The following UBR3 variants were observed in gnomAD, a reference collection of about 807,000 sequenced individuals.
UBR3 encodes the protein E3 ubiquitin-protein ligase UBR3.
A neutral mutation model predicts 243.2 loss-of-function variants in UBR3; 85 were observed. The ratio of observed to expected loss-of-function variants is 0.35; its 90% CI spans 0.29 to 0.42. The LOEUF (loss-of-function observed/expected upper bound fraction) is 0.42, where lower values mean the gene tolerates loss of function less well. UBR3 is among the 10% of genes least tolerant of loss of function. The pLI, the probability that UBR3 is intolerant of heterozygous loss-of-function variation, is 1.00. For missense variants in UBR3, 1,686 were observed against 2,300.8 expected (o/e 0.73, Z 5.47); for synonymous variants, 748 against 799.8 (o/e 0.94, Z 1.09).
chr2:169,983,252 C>CTTTTTTTTTTTTTTTTTTTTTTTTTTTTT (rs72194627), intron 24 of UBR3, among the ~76,000 whole-genome samples: 1 of 72,000 alleles, frequency 1.4e-5, no homozygotes, highest in African/African-American at 5.9e-5. Context: ...ATTCTCTCTC[C>CTTTTTTTTTTTTTTTTTTTTTTTTTTTTT]TTTTTTTTTT....
At chr2:169,852,890 A>C (rs2082713031) in intron 1 of UBR3, among the ~76,000 whole-genome samples, 2 of 148,256 alleles carry the variant, frequency 1.3e-5, no homozygotes, top group Admixed American at 6.8e-5. Context: ...AAAACCAAAC[A>C]AATTGAGTCC....
chr2:169,843,756 T>A (rs931607571), intron 1 of UBR3, among the ~76,000 whole-genome samples: 1 of 152,242 alleles, frequency 6.6e-6, no homozygotes, highest in Admixed American at 6.5e-5. Flanking sequence ...AGTTTTCTTC[T>A]TTTGCAATAT....
chr2:169,987,398 AAAAAAAAAAAC>A (rs1446149021), intron 25 of UBR3, among the ~76,000 whole-genome samples: 49 of 150,544 alleles, frequency 3.3e-4, no homozygotes, highest in Admixed American at 6.6e-4. Context: ...GTCTCAAAAA[AAAAAAAAAAAC>A]AAAAAAAAAA....
At chr2:169,879,433 T>A (rs2083739396) in intron 5 of UBR3, among the ~76,000 whole-genome samples, 1 of 152,160 alleles carries the variant, frequency 6.6e-6, no homozygotes, top group African/African-American at 2.4e-5. Flanking sequence ...TTTCACACAA[T>A]GTTACATTTT....
chr2:169,836,284 C>T (rs559799742), intron 1 of UBR3, among the ~76,000 whole-genome samples: 1 of 150,938 alleles, frequency 6.6e-6, no homozygotes, highest in South Asian at 2.1e-4. Context: ...GGGGTTTCAC[C>T]ATATTGGCCA....
chr2:170,027,831 G>A (rs968088765), intron 30 of UBR3, among the ~76,000 whole-genome samples: 3 of 151,804 alleles, frequency 2.0e-5, no homozygotes, highest in Non-Finnish European at 3.0e-5. Flanking sequence ...CTTTAGTCAT[G>A]TTTTTCCTCT....
intron 5 of UBR3, among the ~76,000 whole-genome samples, chr2:169,888,844 G>A (rs1301707286): frequency 1.3e-5 from 2 of 151,932 alleles, no homozygotes; most frequent in Non-Finnish European, 2.9e-5. Context: ...AGAGCTCCAG[G>A]GTTGTTTTTC....
At chr2:169,907,678 A>G (rs1364745290) in intron 10 of UBR3, among the ~76,000 whole-genome samples, 1 of 152,098 alleles carries the variant, frequency 6.6e-6, no homozygotes, top group Non-Finnish European at 1.5e-5. Flanking sequence ...TCATCAATCT[A>G]CAGGATAACA....
chr2:169,900,412 A>T (rs1454446208), intron 8 of UBR3, among the ~76,000 whole-genome samples: 1 of 152,108 alleles, frequency 6.6e-6, no homozygotes, highest in African/African-American at 2.4e-5. Context: ...AGATGGATAG[A>T]TTGCAAAAAT....
intron 32 of UBR3, among the ~76,000 whole-genome samples, 168 bp downstream of exon 32, chr2:170,041,153 G>A (rs1208918564): frequency 2.0e-5 from 3 of 152,108 alleles, no homozygotes; most frequent in Admixed American, 2.0e-4. Flanking sequence ...GACCAGCCTG[G>A]GCTATTAATA....
At chr2:170,009,028 A>T (rs2090006156) in intron 29 of UBR3, 88 bp downstream of exon 29, 1 of 921,408 alleles carries the variant, frequency 1.1e-6, no homozygotes, top group Non-Finnish European at 1.5e-6. Context: ...ATTTATTTAA[A>T]GGATGCATAT....
intron 36 of UBR3, among the ~76,000 whole-genome samples, chr2:170,077,060 C>G (rs1443008827): frequency 1.3e-5 from 2 of 152,170 alleles, no homozygotes; most frequent in African/African-American, 4.8e-5. Flanking sequence ...AGCAGTGAAG[C>G]AGAAATTTAA....
At chr2:169,922,263 G>A (rs1325808334) in intron 11 of UBR3, among the ~76,000 whole-genome samples, 2 of 150,114 alleles carry the variant, frequency 1.3e-5, no homozygotes, top group Admixed American at 6.7e-5. Context: ...TCCACCCTGG[G>A]CCACAGAGTG....
At chr2:169,893,659 C>T (rs1048580668) in intron 6 of UBR3, among the ~76,000 whole-genome samples, 8 of 152,128 alleles carry the variant, frequency 5.3e-5, no homozygotes, top group African/African-American at 1.4e-4. Flanking sequence ...CAGGCTCAAG[C>T]GATCCAATCC....
chr2:169,927,107 G>A lies in UBR3; in HGVS notation c.2338+136G>A, dbSNP rs2085938445. ...AAACAATGTTTCAAACTCTTGATAT[G>A]TTGTACTGTAGGTATACCTTTTAGA... is the stretch of plus-strand genomic sequence containing the variant. On this transcript the variant is annotated intron_variant, in intron 16 of 38. Coordinates refer to ENST00000272793, the MANE Select transcript of UBR3 (RefSeq NM_172070.4). The A allele has an allele frequency of 2.6e-6, 3 of 1,175,902 alleles. No individual in the cohort carries two copies. In the African/African-American group the frequency reaches 4.6e-5, roughly 18 times the overall value. The allele number at this position is 1,175,902 out of a possible 1,614,324, so 72.8% of individuals were successfully genotyped here.
At chr2:169,869,412 T>C (rs149187678) in intron 1 of UBR3, among the ~76,000 whole-genome samples, 14,530 of 151,642 alleles carry the variant, frequency 0.096, 1,045 homozygotes, top group Admixed American at 0.18. Flanking sequence ...TTAGTAGAGA[T>C]GGTGCTTCAC....
chr2:170,017,795 G>C (rs1406625588), intron 30 of UBR3, among the ~76,000 whole-genome samples: 1 of 152,070 alleles, frequency 6.6e-6, no homozygotes, highest in Non-Finnish European at 1.5e-5. Flanking sequence ...ATAGTAAAAA[G>C]TTACTCAAAT....
intron 5 of UBR3, among the ~76,000 whole-genome samples, chr2:169,879,438 C>T (rs1187245847): frequency 1.3e-5 from 2 of 151,946 alleles, no homozygotes; most frequent in Admixed American, 6.6e-5. Flanking sequence ...CACAATGTTA[C>T]ATTTTGTGGA....
At position 169,928,756 on chromosome 2, in the gene UBR3, C is replaced by T. The variant is rs2105348196; in HGVS notation, c.2454C>T (p.Gly818=). ...LIPENPNPKS[G]IIPGSYSFES... ...CAGAAAATCCTAATCCCAAAAGTGG[C>T]ATTATTCCAGGCAGTTACAGCTTTG... Residue 818 remains glycine (G), a synonymous_variant, in exon 18 of 39, where the codon GGC becomes GGT. Transcript: ENST00000272793. The T allele has an allele frequency of 1.3e-6, 2 of 1,492,542 alleles. No homozygotes were observed. Among genetic ancestry groups the T allele is most frequent in the South Asian group, 1.3e-5 (1 of 75,760 alleles). The allele number at this position is 1,492,542 out of a possible 1,614,324, so 92.5% of individuals were successfully genotyped here.
Sources: gnomAD v4.1 joint callset for allele counts (sites outside exome capture counted in the v4.1 genomes callset) on GRCh38, gnomAD v4.1.1 for gene constraint, MANE v1.5 for transcripts, NCBI Gene and HGNC (gene_info 2026-07-23, HGNC 2026-07-21) for gene names.